Variants in PEAR1 observed in about 807,000 individuals in gnomAD.
PEAR1 encodes multiple EGF-like domains protein 12.
Under a neutral mutation model 131.2 loss-of-function variants are expected in PEAR1, and 113 were observed. The ratio of observed to expected loss-of-function variants is 0.86; its 90% confidence interval spans 0.74 to 1.01. The LOEUF is 1.01. Ranked by LOEUF, PEAR1 falls within the 50% of genes least tolerant of loss-of-function variation. The probability of loss-of-function intolerance (pLI) is 0.00; values close to 1 mark genes in which losing one functional copy is unlikely to be tolerated. For missense variants in PEAR1, 1,408 were observed against 1,391.1 expected (o/e 1.01, Z -0.19); for synonymous variants, 565 against 523.3 (o/e 1.08, Z -1.09).
intron 11 of PEAR1, among the ~76,000 whole-genome samples, chr1:156,909,279 G>T (rs923024771): frequency 2.6e-5 from 4 of 152,136 alleles, no homozygotes. Flanking sequence ...CCTCACTGGC[G>T]AACGTCCCTC....
At chr1:156,895,802 C>T (rs1649103642) in intron 1 of PEAR1, among the ~76,000 whole-genome samples, 1 of 152,226 alleles carries the variant, frequency 6.6e-6, no homozygotes, top group African/African-American at 2.4e-5. Flanking sequence ...CTGGAAACAC[C>T]AGGCGAGGTG....
At chr1:156,901,121 C>T (rs1649637858) in intron 1 of PEAR1, among the ~76,000 whole-genome samples, 1 of 152,230 alleles carries the variant, frequency 6.6e-6, no homozygotes, top group Non-Finnish European at 1.5e-5. Context: ...CTCCCGGGGC[C>T]ACCCACTGAT....
Position 156,908,261 on chromosome 1 carries a change from A to C in PEAR1, c.1036A>C (p.Thr346Pro). Residue 346 changes from threonine (T) to proline (P), a missense_variant, in exon 9 of 23, where the codon ACG (threonine) becomes CCG (proline). Transcript: ENST00000292357. This position sits in a 1 kb window ranked among gnomAD's most constrained non-coding sequence, Gnocchi z 4.2. ...ACACGGCTTCACTGGGGACCGCTGC[A>C]CGGATCGCCTCTGCCCCGACGGCTT... ...CEHGFTGDRC[T>P]DRLCPDGFYG... 6.3e-7 allele frequency: 1 copy of C among 1,594,400 alleles called. No homozygotes were observed. The highest frequency in any genetic ancestry group is 8.5e-7 in the Non-Finnish European group (1 of 1,175,012).
In PEAR1 at chr1:156,913,236, A is replaced by G. The variant is rs758634044; in HGVS notation, c.2465A>G (p.Tyr822Cys). The G allele has an allele frequency of 1.9e-6, 3 of 1,613,746 alleles. No homozygotes were observed. The highest frequency in any genetic ancestry group is 3.3e-5 in the Admixed American group (2 of 59,970). ...SYSHYYSNPS[Y>C]HTLSQCSPNP... The stretch of plus-strand genomic sequence containing the variant: ...AGTCACTACTACTCCAACCCCAGCT[A>G]CCACACCCTGTCGCAGTGCTCCCCA... Residue 822 changes from tyrosine (Y) to cysteine (C), a missense_variant, in exon 19 of 23, where the codon TAC (tyrosine) becomes TGC (cysteine). Physicochemically the swap from Tyr to Cys is radical, Grantham distance 194. Transcript: ENST00000292357.
At chr1:156,907,475 G>C in intron 6 of PEAR1, 135 bp from the exon 7 acceptor site, 1 of 1,425,634 alleles carries the variant, frequency 7.0e-7, no homozygotes, top group Non-Finnish European at 9.3e-7. Context: ...TTTCTGACTC[G>C]ACAGTCCCCA....
At position 156,902,789 on chromosome 1, in the gene PEAR1, G is replaced by A. The variant is rs959055655; in HGVS notation, c.-9-1129G>A. The stretch of plus-strand genomic sequence containing the variant: ...ATGCAGACCCTGAAGCCGGCTGCGG[G>A]GATGGGCACTGCGGTAACTCATCCT... On this transcript the variant is annotated intron_variant, in intron 1 of 22. Coordinates refer to ENST00000292357, the MANE Select transcript of PEAR1 (RefSeq NM_001080471.3). This position sits in a 1 kb window ranked among gnomAD's most constrained non-coding sequence, Gnocchi z 4.3. Among the ~76,000 whole-genome samples the A allele has an allele frequency of 4.6e-5, 7 of 152,186 alleles. No homozygotes were observed. Among genetic ancestry groups the A allele is most frequent in the African/African-American group, 9.7e-5 (4 of 41,426 alleles).
chr1:156,907,919 C>T lies in PEAR1; in HGVS notation c.770C>T (p.Thr257Ile). The T allele has an allele frequency of 6.3e-7, 1 of 1,595,370 alleles. No individual in the cohort carries two copies. The highest frequency in any genetic ancestry group is 1.7e-5 in the Admixed American group (1 of 57,208). The change falls in exon 8 of 23, where the codon ACC becomes ATC. Residue 257 changes from threonine to isoleucine, a missense_variant. Thr to Ile is a moderately conservative substitution (Grantham distance 89). Coordinates refer to ENST00000292357, the MANE Select transcript of PEAR1 (RefSeq NM_001080471.3). ...GTTGACCTCTTATCCCCACAGGGCA[C>T]CATCTGCTCCCTGCCCTGCCCAGAG... ...SCSCPPGWMG[T>I]ICSLPCPEGF...
At chr1:156,909,655 C>G (rs1177653437) in intron 11 of PEAR1, 96 bp from the exon 12 acceptor site, 2 of 1,408,260 alleles carry the variant, frequency 1.4e-6, no homozygotes, top group African/African-American at 1.4e-5. Context: ...CCCACCCCAG[C>G]TCATAGCATA....
intron 2 of PEAR1, 57 bp downstream of exon 2, chr1:156,904,084 T>G: frequency 7.0e-7 from 1 of 1,419,142 alleles, no homozygotes; most frequent in Non-Finnish European, 1.0e-6. Flanking sequence ...CGATTGTCCC[T>G]ATTGTCCCTA....
chr1:156,913,549 T>C (rs1244759989), intron 20 of PEAR1, 26 bp downstream of exon 20: 2 of 1,609,872 alleles, frequency 1.2e-6, no homozygotes, highest in Admixed American at 1.7e-5. Context: ...CCAGGGTCTC[T>C]GGCGCGGGTG....
intron 2 of PEAR1, 128 bp from the exon 3 acceptor site, chr1:156,904,620 C>T: frequency 3.2e-6 from 3 of 943,486 alleles, no homozygotes; most frequent in Non-Finnish European, 4.9e-6. Flanking sequence ...CCATCCTAGG[C>T]TACGAGAGCA....
chr1:156,905,607 T>A (rs982322423), intron 4 of PEAR1, among the ~76,000 whole-genome samples, 183 bp downstream of exon 4: 1 of 152,018 alleles, frequency 6.6e-6, no homozygotes, highest in African/African-American at 2.4e-5. Context: ...TCCCTCTCCA[T>A]CACCACTTCA....
Position 156,913,704 on chromosome 1 carries a change from T to A in PEAR1, c.2657T>A (p.Leu886Gln), listed in dbSNP as rs1299760030. Reference protein sequence around the residue: ...PGPLDRGSSRLDRSYSYSYSN... With the variant: ...PGPLDRGSSRQDRSYSYSYSN... ...TCCTCCTCCTCAGGGAGCAGCCGCC[T>A]GGACCGAAGCTACAGCTATAGCTAC... Residue 886 changes from leucine (L) to glutamine (Q), a missense_variant, in exon 21 of 23, where the codon CTG (leucine) becomes CAG (glutamine). By Grantham distance (113) the Leu-to-Gln change is moderately radical. Transcript: ENST00000292357. 3 of 1,613,878 alleles carry A rather than the reference T, an allele frequency of 1.9e-6. No homozygotes were observed. Among genetic ancestry groups the A allele is most frequent in the Non-Finnish European group, 2.5e-6 (3 of 1,179,996 alleles).
chr1:156,903,941 G>A lies in PEAR1; in HGVS notation c.15G>A (p.Leu5=), dbSNP rs1324013540. The A allele has an allele frequency of 6.2e-7, 1 of 1,613,994 alleles. No individual in the cohort carries two copies. The highest frequency in any genetic ancestry group is 8.5e-7 in the Non-Finnish European group (1 of 1,179,986). MSPP[L]CPLLLLAVGL... ...AGGCCTCTGCAATGTCACCGCCTCT[G>A]TGTCCCCTCCTTCTCCTGGCTGTGG... The change falls in exon 2 of 23, where the codon CTG becomes CTA. Residue 5 remains leucine (L), a synonymous_variant. Transcript: ENST00000292357.
Position 156,903,977 on chromosome 1 carries a change from G to A in PEAR1, c.51G>A (p.Leu17=). 3 of 1,614,106 alleles carry A rather than the reference G, an allele frequency of 1.9e-6. No homozygotes were observed. Among genetic ancestry groups the A allele is most frequent in the Non-Finnish European group, 2.5e-6 (3 of 1,179,998 alleles). The change falls in exon 2 of 23, where the codon CTG becomes CTA. Residue 17 remains leucine, a synonymous_variant. Transcript: ENST00000292357. ...PLLLLAVGLR[L]AGTLNPSDPN... ...TTCTCCTGGCTGTGGGCCTGCGGCT[G>A]GCTGGAACTCTCAACCCCAGTGATC...
Position 156,906,811 on chromosome 1 carries a change from A to G in PEAR1, c.575A>G (p.Gln192Arg). 6.2e-7 allele frequency: 1 copy of G among 1,614,216 alleles called. No homozygotes were observed. The highest frequency in any genetic ancestry group is 8.5e-7 in the Non-Finnish European group (1 of 1,180,036). ...YYGPACQFRCQCHGAPCDPQT... is the reference protein window; with the variant it reads ...YYGPACQFRCRCHGAPCDPQT... The stretch of plus-strand genomic sequence containing the variant: ...GGCCCTGCCTGCCAGTTCCGCTGCC[A>G]GTGCCATGGGGCACCCTGCGATCCC... Residue 192 changes from glutamine (Q) to arginine (R), a missense_variant, in exon 6 of 23, where the codon CAG becomes CGG. Gln to Arg is a conservative substitution (Grantham distance 43, BLOSUM62 1). Transcript: ENST00000292357.
At chr1:156,899,899 G>T (rs1159740003) in intron 1 of PEAR1, among the ~76,000 whole-genome samples, 2 of 152,162 alleles carry the variant, frequency 1.3e-5, no homozygotes, top group Non-Finnish European at 2.9e-5. Flanking sequence ...CCGTGGGGAA[G>T]TCCCTTCTGC....
rs1256550351 is a variant in PEAR1, at chr1:156,915,317, G to A, written c.*519G>A. 6.6e-6 allele frequency: 1 copy of A among 152,398 alleles called. No homozygotes were observed. Among genetic ancestry groups the A allele is most frequent in the Non-Finnish European group, 1.5e-5 (1 of 68,174 alleles). 9.4% of individuals were successfully genotyped at this position (152,398 alleles called of 1,614,324 possible). ...GCTCATAATTTCAAAATACAGGCTG[G>A]TTAGTTACTCCCTACCTGAAAGCCT... On this transcript the variant is annotated 3_prime_UTR_variant, in exon 23 of 23. Transcript: ENST00000292357.
rs1432492578 is a variant in PEAR1 at position 156,906,748 on chromosome 1, C to A, written c.512C>A (p.Pro171His). 1 of 1,614,226 alleles carries A rather than the reference C, an allele frequency of 6.2e-7. No individual in the cohort carries two copies. Among genetic ancestry groups the A allele is most frequent in the South Asian group, 1.1e-5 (1 of 91,086 alleles). Reference protein sequence around the residue: ...GVCSCPSGLQPPNCLQPCTPG... With the variant: ...GVCSCPSGLQHPNCLQPCTPG... ...TGTTCTTGCCCTTCTGGTCTGCAGC[C>A]CCCGAACTGCCTTCAGCCCTGTACC... The change falls in exon 6 of 23, where the codon CCC (proline) becomes CAC (histidine). Residue 171 changes from proline (P) to histidine (H), a missense_variant. Transcript: ENST00000292357.
Sources: gnomAD v4.1 joint callset for allele counts (sites outside exome capture counted in the v4.1 genomes callset) on GRCh38, gnomAD v4.1.1 for gene constraint, Gnocchi (gnomAD v3.1) non-coding constraint, MANE v1.5 for transcripts, NCBI Gene and HGNC (gene_info 2026-07-23, HGNC 2026-07-21) for gene names.